Variants in LHFPL6 observed in about 807,000 individuals in gnomAD.
LHFPL6 encodes LHFPL tetraspan subfamily member 6, also known as LHFPL tetraspan subfamily member 6 protein.
A neutral mutation model predicts 20.6 loss-of-function variants in LHFPL6; 9 were observed. The ratio of observed to expected loss-of-function variants is 0.44; its 90% CI spans 0.26 to 0.76. The LOEUF (loss-of-function observed/expected upper bound fraction) is 0.76. Ranked by LOEUF, LHFPL6 falls within the 30% of genes least tolerant of loss-of-function variation. LHFPL6 has a pLI of 0.20. For synonymous variants in LHFPL6, 105 were observed against 98.7 expected, an observed-to-expected ratio of 1.06 and a Z score of -0.38; for missense variants, 218 against 253.5, an observed-to-expected ratio of 0.86 and a Z score of 0.95.
chr13:39,413,957 T>C (rs917602666), intron 2 of LHFPL6, among the ~76,000 whole-genome samples: 1 of 152,248 alleles, frequency 6.6e-6, no homozygotes, highest in East Asian at 1.9e-4. Flanking sequence ...CTCAAATTTA[T>C]GTTTACGAGA....
chr13:39,468,846 T>C (rs1336810039), intron 2 of LHFPL6, among the ~76,000 whole-genome samples: 1 of 150,390 alleles, frequency 6.6e-6, no homozygotes, highest in Admixed American at 6.7e-5. Flanking sequence ...AGCATCCTCA[T>C]TTCACCACTT....
intron 2 of LHFPL6, among the ~76,000 whole-genome samples, chr13:39,569,128 CGGAT>C (rs1157177445): frequency 1.9e-5 from 2 of 103,144 alleles, no homozygotes; most frequent in African/African-American, 3.3e-5. Context: ...TTAGTAAACA[CGGAT>C]GGATGGATGG....
chr13:39,560,776 A>G (rs748754541), intron 2 of LHFPL6, among the ~76,000 whole-genome samples: 18 of 151,886 alleles, frequency 1.2e-4, no homozygotes, highest in Non-Finnish European at 1.3e-4. Context: ...CGGCCTCCCA[A>G]AGTGCTAGGA....
intron 2 of LHFPL6, among the ~76,000 whole-genome samples, chr13:39,564,491 G>C (rs531932619): frequency 1.3e-5 from 2 of 152,018 alleles, no homozygotes; most frequent in Non-Finnish European, 2.9e-5. Flanking sequence ...CAAAACCCAA[G>C]AGCATTAAAA....
At chr13:39,403,393 C>T (rs1054182077) in intron 2 of LHFPL6, among the ~76,000 whole-genome samples, 1 of 152,170 alleles carries the variant, frequency 6.6e-6, no homozygotes, top group African/African-American at 2.4e-5. Flanking sequence ...CCAATCTTTC[C>T]AGGCTCTGAG....
At chr13:39,576,847 G>A (rs1872132701) in intron 2 of LHFPL6, among the ~76,000 whole-genome samples, 1 of 152,020 alleles carries the variant, frequency 6.6e-6, no homozygotes, top group South Asian at 2.1e-4. Context: ...TACGTTGCTT[G>A]GGCTCTTAAT....
intron 2 of LHFPL6, among the ~76,000 whole-genome samples, chr13:39,525,351 T>C (rs977714407): frequency 2.0e-5 from 3 of 152,138 alleles, no homozygotes; most frequent in Non-Finnish European, 4.4e-5. Context: ...GTTCTCCTTC[T>C]GACTTAAAGT....
At chr13:39,451,049 A>G (rs1232745266) in intron 2 of LHFPL6, among the ~76,000 whole-genome samples, 1 of 152,004 alleles carries the variant, frequency 6.6e-6, no homozygotes, top group Non-Finnish European at 1.5e-5. Flanking sequence ...TTTTATTTCT[A>G]CTCTCCGGAA....
Position 39,508,678 on chromosome 13 carries a change from G to A in LHFPL6, c.385+92154C>T, listed in dbSNP as rs373172964. Among the ~76,000 whole-genome samples the A allele has an allele frequency of 3.5e-4, 53 of 152,130 alleles. No homozygotes were observed. In the South Asian group the frequency reaches 5.4e-3, roughly 16 times the overall value. ...TATTATAAATTCATTCCTTTTCACTGGTAAATAATATTCCAGTGTATGGAT... is the reference window on the plus strand; with the variant it reads ...TATTATAAATTCATTCCTTTTCACTAGTAAATAATATTCCAGTGTATGGAT... On this transcript the variant is annotated intron_variant, in intron 2 of 3. Transcript: ENST00000379589.
intron 2 of LHFPL6, among the ~76,000 whole-genome samples, chr13:39,519,244 A>AAAATG (rs1415288024): frequency 9.4e-6 from 1 of 106,504 alleles, no homozygotes; most frequent in East Asian, 2.6e-4. Context: ...CTCAAAAAAT[A>AAAATG]AAAATAAAAA....
rs560158825 is a variant in LHFPL6, at chr13:39,358,532, C to A, written c.485-14478G>T. 1.2e-4 allele frequency among the ~76,000 whole-genome samples: 18 copies of A among 151,780 alleles called. No individual in the cohort carries two copies. The East Asian group carries it at 3.5e-3, about 29-fold the overall frequency. On this transcript the variant is annotated intron_variant, in intron 3 of 3. Transcript: ENST00000379589. ...CAAAAACAATTGTAATTAAAAAAAA[C>A]AACATGTGGGACCTTATTAAACTAA...
chr13:39,518,153 G>A (rs1198223704), intron 2 of LHFPL6, among the ~76,000 whole-genome samples: 2 of 150,196 alleles, frequency 1.3e-5, no homozygotes, highest in Non-Finnish European at 3.0e-5. Flanking sequence ...GAATAGCGAC[G>A]CTCAAAGACC....
In LHFPL6 at chr13:39,417,369, C is replaced by T. The variant is rs550483668; in HGVS notation, c.386-38843G>A. On this transcript the variant is annotated intron_variant, in intron 2 of 3. Transcript: ENST00000379589. ...TAATATTAAATGGGGCAGGGGCGGC[C>T]GGAGCAACGCTGTGAGAAGCTGACA... is the stretch of plus-strand genomic sequence containing the variant. Among the ~76,000 whole-genome samples the T allele has an allele frequency of 8.0e-5, 12 of 150,404 alleles. No individual in the cohort carries two copies. The East Asian group carries it at 1.6e-3, about 20-fold the overall frequency.
At chr13:39,348,989 T>TA (rs1869487118) in intron 3 of LHFPL6, among the ~76,000 whole-genome samples, 1 of 152,156 alleles carries the variant, frequency 6.6e-6, no homozygotes, top group African/African-American at 2.4e-5. Flanking sequence ...GAGTGTAACA[T>TA]AATAGCAGAA....
Position 39,526,765 on chromosome 13 carries a change from A to G in LHFPL6, c.385+74067T>C, listed in dbSNP as rs1870301099. Among the ~76,000 whole-genome samples, 4 of 152,334 alleles carry G rather than the reference A, an allele frequency of 2.6e-5. No individual in the cohort carries two copies. The South Asian group carries it at 8.3e-4, about 32-fold the overall frequency. On this transcript the variant is annotated intron_variant, in intron 2 of 3. Transcript: ENST00000379589. ...TACCTCCAGAGTAGGAATTATAGCT[A>G]CTGACATCACGTGCAACCTCATTTT... is the stretch of plus-strand genomic sequence containing the variant.
chr13:39,599,689 A>G (rs576432391), intron 2 of LHFPL6, among the ~76,000 whole-genome samples: 1 of 152,366 alleles, frequency 6.6e-6, no homozygotes, highest in Non-Finnish European at 1.5e-5. Flanking sequence ...TGCCACTTGC[A>G]TTTTCAGCAC....
intron 2 of LHFPL6, among the ~76,000 whole-genome samples, chr13:39,544,071 A>G (rs1415524249): frequency 3.3e-5 from 5 of 152,192 alleles, no homozygotes; most frequent in Admixed American, 1.3e-4. Flanking sequence ...GAACTAGGCT[A>G]TTTAGCTATT....
intron 2 of LHFPL6, among the ~76,000 whole-genome samples, chr13:39,571,956 C>T (rs549015778): frequency 1.1e-4 from 17 of 152,276 alleles, no homozygotes; most frequent in African/African-American, 1.9e-4. Flanking sequence ...TTGAGTGTGA[C>T]GAGCCAAGTA....
At chr13:39,535,135 CCTT>C (rs1274451816) in intron 2 of LHFPL6, among the ~76,000 whole-genome samples, 1 of 152,238 alleles carries the variant, frequency 6.6e-6, no homozygotes, top group African/African-American at 2.4e-5. Context: ...GTCCAAATTT[CCTT>C]CTTCTTATAA....
Sources: gnomAD v4.1 joint callset for allele counts (sites outside exome capture counted in the v4.1 genomes callset) on GRCh38, gnomAD v4.1.1 for gene constraint, MANE v1.5 for transcripts, NCBI Gene and HGNC (gene_info 2026-07-23, HGNC 2026-07-21) for gene names.